Variants in RASGRP3 observed in about 807,000 individuals in gnomAD.
RASGRP3 encodes the protein ras guanyl-releasing protein 3.
In RASGRP3, 54 loss-of-function variants were observed where a neutral mutation model predicts 82.7. That is an observed-to-expected ratio of 0.65 (90% CI 0.52 to 0.82). The LOEUF is 0.82. Ranked by LOEUF, RASGRP3 falls within the 40% of genes least tolerant of loss-of-function variation. The pLI, the probability that RASGRP3 is intolerant of heterozygous loss-of-function variation, is 0.00. For synonymous variants in RASGRP3, 309 were observed against 300.5 expected, an observed-to-expected ratio of 1.03 and a Z score of -0.29; for missense variants, 861 against 828.9, an observed-to-expected ratio of 1.04 and a Z score of -0.48.
At chr2:33,462,935 G>A (rs1666464652) in intron 2 of RASGRP3, among the ~76,000 whole-genome samples, 1 of 152,126 alleles carries the variant, frequency 6.6e-6, no homozygotes, top group Non-Finnish European at 1.5e-5. Context: ...CAGAAGAAAT[G>A]CAGAGGTTGC....
At chr2:33,536,671 G>A (rs987423256) in intron 11 of RASGRP3, among the ~76,000 whole-genome samples, 3 of 152,016 alleles carry the variant, frequency 2.0e-5, no homozygotes, top group Admixed American at 2.0e-4. Flanking sequence ...AAAATCCTAC[G>A]AATCTAACAC....
chr2:33,449,356 T>C (rs918783582), intron 2 of RASGRP3, among the ~76,000 whole-genome samples: 1 of 152,270 alleles, frequency 6.6e-6, no homozygotes, highest in Non-Finnish European at 1.5e-5. Context: ...AGACATCTAC[T>C]TTTAAGACAT....
chr2:33,476,599 G>T (rs953545995), upstream of RASGRP3: 7 of 152,262 alleles, frequency 4.6e-5, no homozygotes, highest in African/African-American at 1.4e-4. Context: ...GACTGGTTAA[G>T]ACTCAGAGCC....
intron 17 of RASGRP3, 95 bp from the exon 18 acceptor site, chr2:33,562,634 T>C (rs1028175684): frequency 7.4e-7 from 1 of 1,343,878 alleles, no homozygotes; most frequent in African/African-American, 1.4e-5. Flanking sequence ...ATTTCAGATG[T>C]TCCCTCAAAG....
At chr2:33,517,482 T>C (rs543874810) in intron 4 of RASGRP3, among the ~76,000 whole-genome samples, 6 of 152,158 alleles carry the variant, frequency 3.9e-5, no homozygotes, top group Non-Finnish European at 8.8e-5. Context: ...AGAGGCACCA[T>C]CAAGTGTTAT....
chr2:33,516,546 C>T lies in RASGRP3; in HGVS notation c.75C>T (p.Asp25=). Residue 25 remains aspartate, a synonymous_variant, in exon 4 of 18, where the codon GAC becomes GAT. Coordinates refer to ENST00000403687, the MANE Select transcript of RASGRP3 (RefSeq NM_001139488.2). ...CTTGTTTTATTTTTCTAACAGATGACAATGGAGAGCTGGATAATAGTTATT... is the reference window on the plus strand; with the variant it reads ...CTTGTTTTATTTTTCTAACAGATGATAATGGAGAGCTGGATAATAGTTATT... ...LLCTCIEMFD[D]NGELDNSYLP... 6.4e-7 allele frequency: 1 copy of T among 1,551,964 alleles called. No individual in the cohort carries two copies. Among genetic ancestry groups the T allele is most frequent in the South Asian group, 1.2e-5 (1 of 86,170 alleles).
At chr2:33,453,575 T>C (rs1275515527) in intron 2 of RASGRP3, among the ~76,000 whole-genome samples, 1 of 152,056 alleles carries the variant, frequency 6.6e-6, no homozygotes, top group East Asian at 1.9e-4. Context: ...TCTTTCAGAG[T>C]GAGAGATTCA....
intron 1 of RASGRP3, among the ~76,000 whole-genome samples, chr2:33,440,617 G>A (rs1558388271): frequency 6.6e-6 from 1 of 152,032 alleles, no homozygotes; most frequent in African/African-American, 2.4e-5. Flanking sequence ...TCCATCTTTT[G>A]GTTACTCTCT....
In RASGRP3 at chr2:33,535,186, G is replaced by A. The variant is rs142090935; in HGVS notation, c.1161+786G>A. The stretch of plus-strand genomic sequence containing the variant: ...TCAGAATTTGGATGTCACATTGGAT[G>A]GTGTCTCACTTAATAGATGGCAGAC... On this transcript the variant is annotated intron_variant, in intron 11 of 17. Transcript: ENST00000403687. Among the ~76,000 whole-genome samples, 537 of 152,256 alleles carry A rather than the reference G, an allele frequency of 3.5e-3. 3 individuals are homozygous for A. The highest frequency in any genetic ancestry group is 0.012 in the African/African-American group (500 of 41,568).
chr2:33,488,388 G>C (rs1161563392), intron 1 of RASGRP3, among the ~76,000 whole-genome samples: 1 of 152,140 alleles, frequency 6.6e-6, no homozygotes, highest in African/African-American at 2.4e-5. Flanking sequence ...ACTCTGAATA[G>C]TAATAATGGA....
chr2:33,523,854 G>C (rs754749482), intron 7 of RASGRP3, 25 bp from the exon 8 acceptor site: 30 of 1,578,948 alleles, frequency 1.9e-5, no homozygotes, highest in Non-Finnish European at 2.3e-5. Context: ...TTATAATTCA[G>C]AGTCTCTGAA....
chr2:33,460,505 T>G (rs1377809526), intron 2 of RASGRP3, among the ~76,000 whole-genome samples: 1 of 151,486 alleles, frequency 6.6e-6, no homozygotes, highest in Admixed American at 6.6e-5. Flanking sequence ...ATGTATTGTT[T>G]TTTAGATATA....
intron 1 of RASGRP3, among the ~76,000 whole-genome samples, chr2:33,491,411 A>AT (rs1359083446): frequency 1.3e-5 from 2 of 152,148 alleles, no homozygotes; most frequent in African/African-American, 4.8e-5. Flanking sequence ...TGGTTGATGG[A>AT]TAGATTGATT....
intron 2 of RASGRP3, among the ~76,000 whole-genome samples, chr2:33,460,403 G>A (rs1208620564): frequency 2.0e-5 from 3 of 152,024 alleles, no homozygotes; most frequent in Non-Finnish European, 4.4e-5. Flanking sequence ...AAAGATGTGT[G>A]TTATCTCAGT....
intron 1 of RASGRP3, among the ~76,000 whole-genome samples, chr2:33,443,784 G>T (rs1189812569): frequency 6.6e-6 from 1 of 150,490 alleles, no homozygotes; most frequent in Non-Finnish European, 1.5e-5. Context: ...AGGAGGCTGA[G>T]TTGGCAACAT....
chr2:33,487,765 G>A (rs1415045379), intron 1 of RASGRP3, among the ~76,000 whole-genome samples: 1 of 152,110 alleles, frequency 6.6e-6, no homozygotes, highest in Admixed American at 6.6e-5. Flanking sequence ...AAAACTTTGA[G>A]ACTCAGAGCA....
chr2:33,485,121 C>T (rs2150947085), intron 1 of RASGRP3, among the ~76,000 whole-genome samples: 1 of 152,292 alleles, frequency 6.6e-6, no homozygotes, highest in East Asian at 1.9e-4. Context: ...TCACTTGAAC[C>T]CAGGAGGCAG....
intron 2 of RASGRP3, among the ~76,000 whole-genome samples, chr2:33,455,916 C>T (rs1666011190): frequency 6.6e-6 from 1 of 152,110 alleles, no homozygotes; most frequent in African/African-American, 2.4e-5. Flanking sequence ...TTTTAGGTAG[C>T]AAGTGATACA....
intron 14 of RASGRP3, among the ~76,000 whole-genome samples, chr2:33,551,861 T>C (rs1451712559): frequency 6.6e-6 from 1 of 151,498 alleles, no homozygotes; most frequent in Non-Finnish European, 1.5e-5. Context: ...GGTGTGGTGG[T>C]GGGCGCCTGC....
Sources: gnomAD v4.1 joint callset for allele counts (sites outside exome capture counted in the v4.1 genomes callset) on GRCh38, gnomAD v4.1.1 for gene constraint, MANE v1.5 for transcripts, NCBI Gene and HGNC (gene_info 2026-07-23, HGNC 2026-07-21) for gene names.